Variants in ZIC3 observed in about 807,000 individuals in gnomAD.
ZIC3 encodes the protein zinc finger protein ZIC 3.
In ZIC3, 6 loss-of-function variants were observed where a neutral mutation model predicts 18.3. The ratio of observed to expected loss-of-function variants is 0.33; its 90% confidence interval spans 0.18 to 0.65. ZIC3 has a LOEUF of 0.65. Among genes scored for constraint, ZIC3 ranks in the 30% least tolerant of loss-of-function variants. ZIC3 has a pLI of 0.75. For missense variants in ZIC3, 260 were observed against 410.0 expected (o/e 0.63, Z 3.16); for synonymous variants, 175 against 177.0 (o/e 0.99, Z 0.09).
downstream of ZIC3, among the ~76,000 whole-genome samples, chrX:137,574,297 C>T (rs1422005482): frequency 7.9e-5 from 9 of 113,472 alleles, no homozygotes; most frequent in Non-Finnish European, 1.7e-4. Flanking sequence ...TTTCGCAGCG[C>T]CTGGGATAGA....
Position 137,570,174 on chromosome X carries a change from T to C in ZIC3, c.*104T>C, listed in dbSNP as rs1289932427. The C allele has an allele frequency of 1.7e-5, 16 of 965,472 alleles. No individual in the cohort carries two copies. Among genetic ancestry groups the C allele is most frequent in the Admixed American group, 2.2e-5 (1 of 45,003 alleles). 79.6% of individuals were successfully genotyped at this position (965,472 alleles called of 1,213,427 possible). ...TGGAGTTTTAAGGCAAGAGGCCATA[T>C]ATAGGGCTACATCTTGTTAATTGCA... On this transcript the variant is annotated 3_prime_UTR_variant, in exon 3 of 3. Coordinates refer to ENST00000287538, the MANE Select transcript of ZIC3 (RefSeq NM_003413.4).
rs1931434859 is a variant in ZIC3 at position 137,571,400 on chromosome X, A to G, written c.*1330A>G. 8.9e-6 allele frequency: 1 copy of G among 112,072 alleles called. No homozygotes were observed. Among genetic ancestry groups the G allele is most frequent in the Non-Finnish European group, 1.9e-5 (1 of 53,144 alleles). The allele number at this position is 112,072 out of a possible 1,213,427, so 9.2% of individuals were successfully genotyped here. On this transcript the variant is annotated 3_prime_UTR_variant, in exon 3 of 3. Transcript: ENST00000287538. ...TCTATATATTTTCAAAAGATAGCTT[A>G]TGTCTAAAACAGTGGTGATGAGTAA... is the stretch of plus-strand genomic sequence containing the variant.
chrX:137,569,868 T>C (rs1262459173), intron 2 of ZIC3, 23 bp from the exon 3 acceptor site: 1 of 1,188,146 alleles, frequency 8.4e-7, no homozygotes, highest in East Asian at 3.0e-5. Flanking sequence ...ATATTCATTA[T>C]AATATATACA....
Position 137,570,101 on chromosome X carries a change from T to C in ZIC3, c.*31T>C. 1 of 1,197,695 alleles carries C rather than the reference T, an allele frequency of 8.3e-7. No homozygotes were observed. The highest frequency in any genetic ancestry group is 1.7e-5 in the African/African-American group (1 of 57,551). ...AACACAAACCCTGTTAATTATAGAA[T>C]GGACCAAATACATTTTTAAAAGAAA... On this transcript the variant is annotated 3_prime_UTR_variant, in exon 3 of 3. Coordinates refer to ENST00000287538, the MANE Select transcript of ZIC3 (RefSeq NM_003413.4).
chrX:137,569,819 T>A (rs1931412110), intron 2 of ZIC3, 72 bp from the exon 3 acceptor site: 2 of 1,058,490 alleles, frequency 1.9e-6, no homozygotes, highest in African/African-American at 3.8e-5. Flanking sequence ...GTGCTCGAAT[T>A]CTGCTCTTGT....
At chrX:137,577,255 A>C (rs1421128959) in exon 3 of ZIC3, 2 of 518,206 alleles carry the variant, frequency 3.9e-6, no homozygotes, top group Non-Finnish European at 7.0e-6. Flanking sequence ...CCTACTGTGC[A>C]AGAAATGATT....
chrX:137,573,140 A>C (rs1241522785), downstream of ZIC3, among the ~76,000 whole-genome samples: 93 of 38,747 alleles, frequency 2.4e-3, no homozygotes, highest in African/African-American at 9.0e-3. Context: ...CCCCCCCCAA[A>C]AAAAAAAAAA....
chrX:137,574,628 G>C (rs1269757846), downstream of ZIC3, among the ~76,000 whole-genome samples: 2 of 112,263 alleles, frequency 1.8e-5, no homozygotes, highest in African/African-American at 6.4e-5. Flanking sequence ...CGTCGAGTCG[G>C]ATTTTGCAGC....
chrX:137,572,428 A>C (rs917433473), downstream of ZIC3, among the ~76,000 whole-genome samples: 1 of 111,616 alleles, frequency 9.0e-6, no homozygotes, highest in Non-Finnish European at 1.9e-5. Flanking sequence ...TCAGTCTATC[A>C]CTCCCAACCC....
rs779535842 is a variant in ZIC3, at chrX:137,571,563, T to G, written c.*1493T>G. ...TAATTATCGCAATTATCCATAACAT[T>G]TATATAGCGGTGTAATAACTGCAGC... On this transcript the variant is annotated 3_prime_UTR_variant, in exon 3 of 3. Transcript: ENST00000287538. The G allele has an allele frequency of 5.3e-5, 6 of 112,588 alleles. No homozygotes were observed. The East Asian group carries it at 1.7e-3, about 31-fold the overall frequency. The allele number at this position is 112,588 out of a possible 1,213,427, so 9.3% of individuals were successfully genotyped here. A position where few individuals can be genotyped will look rare whatever the true frequency, so the allele number is the denominator to read the frequency against.
downstream of ZIC3, chrX:137,576,984 A>G: frequency 2.4e-6 from 1 of 419,934 alleles, no homozygotes; most frequent in Non-Finnish European, 4.2e-6. Flanking sequence ...GGTGTTAAAA[A>G]TAAAACATTC....
chrX:137,567,952 G>A (rs772875548), intron 1 of ZIC3, among the ~76,000 whole-genome samples: 25 of 113,151 alleles, frequency 2.2e-4, no homozygotes, highest in African/African-American at 7.7e-4. Flanking sequence ...CTAACTTCCC[G>A]GGCAGACTGC....
chrX:137,574,411 T>C (rs1053495461), downstream of ZIC3, among the ~76,000 whole-genome samples: 5 of 113,114 alleles, frequency 4.4e-5, no homozygotes, highest in Non-Finnish European at 9.4e-5. Context: ...GAAGTGGGTT[T>C]TTAGCGCGCA....
At position 137,566,459 on chromosome X, in the gene ZIC3, C is replaced by T. The variant is rs980441249; in HGVS notation, c.-233C>T. 3 of 266,505 alleles carry T rather than the reference C, an allele frequency of 1.1e-5. No homozygotes were observed. The highest frequency in any genetic ancestry group is 2.1e-5 in the Non-Finnish European group (3 of 146,216). 22.0% of individuals were successfully genotyped at this position (266,505 alleles called of 1,213,427 possible). A position where few individuals can be genotyped will look rare whatever the true frequency, so the allele number is the denominator to read the frequency against. On this transcript the variant is annotated 5_prime_UTR_variant, in exon 1 of 3. Coordinates refer to ENST00000287538, the MANE Select transcript of ZIC3 (RefSeq NM_003413.4). Reference sequence around the variant, plus strand: ...TTTCTCCTCCCTTCTCCTCCCTCCTCCTCCCCCCGCCAACACCCCCTCCCT... The same window carrying T: ...TTTCTCCTCCCTTCTCCTCCCTCCTTCTCCCCCCGCCAACACCCCCTCCCT...
downstream of ZIC3, among the ~76,000 whole-genome samples, chrX:137,574,521 G>A (rs1459471605): frequency 8.8e-6 from 1 of 113,163 alleles, no homozygotes; most frequent in Non-Finnish European, 1.9e-5. Context: ...CCGTGGCTCC[G>A]GCCTTTTCAA....
chrX:137,570,039 T>A lies in ZIC3; in HGVS notation c.1373T>A (p.Leu458His). The A allele has an allele frequency of 8.3e-7, 1 of 1,211,826 alleles. No homozygotes were observed. Among genetic ancestry groups the A allele is most frequent in the Non-Finnish European group, 1.1e-6 (1 of 895,591 alleles). Residue 458 changes from leucine (L) to histidine (H), a missense_variant, in exon 3 of 3, where the codon CTT (leucine) becomes CAT (histidine). This residue lies in a region of ZIC3 where 52 missense variants were observed against 111.5 expected (regional missense o/e 0.47). Transcript: ENST00000287538. ...VQTSTSHNPG[L>H]PPNFNEWYV The stretch of plus-strand genomic sequence containing the variant: ...ACTAGCACCAGCCACAACCCTGGAC[T>A]TCCTCCTAATTTTAACGAATGGTAC...
chrX:137,573,848 T>C (rs775427580), downstream of ZIC3: 2 of 111,825 alleles, frequency 1.8e-5, no homozygotes, highest in African/African-American at 3.2e-5. Flanking sequence ...AGGGTCCCTG[T>C]CCACACACCA....
At position 137,567,627 on chromosome X, in the gene ZIC3, G is replaced by A; in HGVS notation, c.936G>A (p.Lys312=). Reference sequence around the variant, plus strand: ...GGGAGGGCAAGTCTTTCAAGGCGAAGTACAAACTGGTCAACCACATCCGAG... The same window carrying A: ...GGGAGGGCAAGTCTTTCAAGGCGAAATACAAACTGGTCAACCACATCCGAG... The part of the protein sequence containing the change: ...CPREGKSFKA[K]YKLVNHIRVH... The change falls in exon 1 of 3, where the codon AAG becomes AAA. Residue 312 remains lysine (K), a synonymous_variant. Transcript: ENST00000287538. 8.2e-7 allele frequency: 1 copy of A among 1,212,498 alleles called. No individual in the cohort carries two copies. Among genetic ancestry groups the A allele is most frequent in the South Asian group, 1.8e-5 (1 of 57,060 alleles).
chrX:137,568,386 A>AT (rs753919281), intron 1 of ZIC3, among the ~76,000 whole-genome samples: 1 of 97,064 alleles, frequency 1.0e-5, no homozygotes, highest in African/African-American at 3.9e-5. Context: ...ATCTATCTAT[A>AT]TTTTTTTCCT....
Sources: allele counts gnomAD v4.1 joint callset (sites outside exome capture counted in the v4.1 genomes callset), GRCh38; gene constraint gnomAD v4.1.1; regional missense constraint gnomAD v4.1.1; transcripts MANE v1.5; gene names NCBI Gene and HGNC (gene_info 2026-07-23, HGNC 2026-07-21).